The following FGF5 variants were observed in gnomAD, a reference collection of about 807,000 sequenced individuals.
The protein encoded by FGF5 is fibroblast growth factor 5.
FGF5 carries 23 observed loss-of-function variants against 21.8 expected under a neutral mutation model. The ratio of observed to expected loss-of-function variants is 1.05; its 90% CI spans 0.76 to 1.49. The LOEUF (loss-of-function observed/expected upper bound fraction) is 1.49. FGF5 is among the 40% of genes most tolerant of loss of function. FGF5 has a pLI of 0.00. For synonymous variants in FGF5, 158 were observed against 124.0 expected (o/e 1.27, Z -1.82); for missense variants, 352 against 332.9 (o/e 1.06, Z -0.45).
At chr4:80,280,000 G>A (rs139413258) in intron 2 of FGF5, among the ~76,000 whole-genome samples, 15 of 152,268 alleles carry the variant, frequency 9.9e-5, no homozygotes, top group Admixed American at 3.3e-4. Context: ...GACTTCCTGC[G>A]CTGCAGGCAG....
intron 2 of FGF5, among the ~76,000 whole-genome samples, chr4:80,285,263 A>G (rs966616453): frequency 5.9e-5 from 9 of 152,184 alleles, no homozygotes; most frequent in African/African-American, 2.2e-4. Context: ...GTGCTGACCT[A>G]CATTGTCTGG....
intron 2 of FGF5, among the ~76,000 whole-genome samples, chr4:80,279,116 A>G (rs1720489462): frequency 6.6e-6 from 1 of 152,184 alleles, no homozygotes; most frequent in Admixed American, 6.5e-5. Context: ...AGGTGGGTCC[A>G]GACTAGGAGT....
At chr4:80,275,479 A>C (rs1234118475) in intron 2 of FGF5, among the ~76,000 whole-genome samples, 3 of 151,976 alleles carry the variant, frequency 2.0e-5, no homozygotes, top group Non-Finnish European at 4.4e-5. Context: ...GAGGGAAAAA[A>C]CCAATAATTA....
rs542261216 is a variant in FGF5 at position 80,266,761 on chromosome 4, A to C, written c.-64A>C. The C allele has an allele frequency of 5.1e-6, 7 of 1,361,066 alleles. No individual in the cohort carries two copies. In the South Asian group the frequency reaches 8.4e-5, roughly 16 times the overall value. 84.3% of individuals were successfully genotyped at this position (1,361,066 alleles called of 1,614,324 possible). ...GGCAGAGCCAGAGGCACGCAGCCGCACAGGGGCTACAGAGCCCAGAATCAG... is the reference window on the plus strand; with the variant it reads ...GGCAGAGCCAGAGGCACGCAGCCGCCCAGGGGCTACAGAGCCCAGAATCAG... On this transcript the variant is annotated 5_prime_UTR_variant, in exon 1 of 3. Coordinates refer to ENST00000312465, the MANE Select transcript of FGF5 (RefSeq NM_004464.4).
chr4:80,276,638 CAG>C (rs1467506928), intron 2 of FGF5, among the ~76,000 whole-genome samples: 2 of 151,818 alleles, frequency 1.3e-5, no homozygotes, highest in Admixed American at 6.6e-5. Flanking sequence ...CTTTTACCCC[CAG>C]CCCCCTCCCC....
At chr4:80,272,916 C>T (rs1197786308) in intron 1 of FGF5, among the ~76,000 whole-genome samples, 1 of 152,014 alleles carries the variant, frequency 6.6e-6, no homozygotes, top group East Asian at 1.9e-4. Context: ...ATGCTATTCC[C>T]AATATCATTC....
Position 80,286,374 on chromosome 4 carries a change from G to A in FGF5, c.509G>A (p.Ser170Asn). The change falls in exon 3 of 3, where the codon AGC (serine) becomes AAC (asparagine). Residue 170 changes from serine to asparagine, a missense_variant. Coordinates refer to ENST00000312465, the MANE Select transcript of FGF5 (RefSeq NM_004464.4). ...TTCAGGGAGCGTTTTCAAGAAAATA[G>A]CTATAATACCTATGCCTCAGCAATA... Reference protein sequence around the residue: ...CKFRERFQENSYNTYASAIHR... With the variant: ...CKFRERFQENNYNTYASAIHR... The A allele has an allele frequency of 3.1e-6, 5 of 1,609,070 alleles. No individual in the cohort carries two copies. The highest frequency in any genetic ancestry group is 4.2e-6 in the Non-Finnish European group (5 of 1,177,116).
At chr4:80,268,454 C>G in intron 1 of FGF5, 1 of 985,596 alleles carries the variant, frequency 1.0e-6, no homozygotes, top group African/African-American at 1.7e-5. Context: ...ACCAAAGACT[C>G]CACGGGCCAT....
In FGF5 at chr4:80,275,047, T is replaced by C. The variant is rs529285864; in HGVS notation, c.459+35T>C. The C allele has an allele frequency of 2.2e-5, 19 of 871,730 alleles. No individual in the cohort carries two copies. In the South Asian group the frequency reaches 3.4e-4, roughly 16 times the overall value. 54.0% of individuals were successfully genotyped at this position (871,730 alleles called of 1,614,324 possible). On this transcript the variant is annotated intron_variant, in intron 2 of 2. Transcript: ENST00000312465. ...ACCACTTTATATTTGTTAAAGGTGC[T>C]ATAAAGATTTTACATTTGTAAAACA... is the stretch of plus-strand genomic sequence containing the variant.
At position 80,274,921 on chromosome 4, in the gene FGF5, T is replaced by C. The variant is rs1342779633; in HGVS notation, c.368T>C (p.Ile123Thr). The change falls in exon 2 of 3, where the codon ATA (isoleucine) becomes ACA (threonine). Residue 123 changes from isoleucine to threonine, a missense_variant. Physicochemically the swap from Ile to Thr is moderately conservative, Grantham distance 89 (BLOSUM62 -1). Coordinates refer to ENST00000312465, the MANE Select transcript of FGF5 (RefSeq NM_004464.4). ...TCTGTCATCCTAGGTGTTTTGGAAATATTTGCTGTGTCTCAGGGGATTGTA... is the reference window on the plus strand; with the variant it reads ...TCTGTCATCCTAGGTGTTTTGGAAACATTTGCTGTGTCTCAGGGGATTGTA... The part of the protein sequence containing the change: ...HEANMLSVLE[I>T]FAVSQGIVGI... 9 of 1,558,528 alleles carry C rather than the reference T, an allele frequency of 5.8e-6. No homozygotes were observed. The Admixed American group carries it at 1.0e-4, about 18-fold the overall frequency.
At chr4:80,285,575 T>C (rs1017697854) in intron 2 of FGF5, among the ~76,000 whole-genome samples, 2 of 152,186 alleles carry the variant, frequency 1.3e-5, no homozygotes, top group African/African-American at 2.4e-5. Context: ...ATAATTCCAT[T>C]TATCAAGCTG....
At chr4:80,281,559 A>T (rs1720555774) in intron 2 of FGF5, among the ~76,000 whole-genome samples, 1 of 152,178 alleles carries the variant, frequency 6.6e-6, no homozygotes. Flanking sequence ...ACAAATTCCA[A>T]GGTTTATACT....
Position 80,287,092 on chromosome 4 carries a change from TTTG to T in FGF5, c.*423_*425del, listed in dbSNP as rs2109931554. On this transcript the variant is annotated 3_prime_UTR_variant, in exon 3 of 3. Transcript: ENST00000312465. Reference sequence around the variant, plus strand: ...TTTTGTTAACTTTTGTTTTTTTTTGTTTGTTTTCTTAAAAGTACCTCTGCATTG... The same window carrying T: ...TTTTGTTAACTTTTGTTTTTTTTTGTTTTTCTTAAAAGTACCTCTGCATTG... 1 of 157,542 alleles carries T rather than the reference TTTG, an allele frequency of 6.3e-6. No individual in the cohort carries two copies. The highest frequency in any genetic ancestry group is 6.2e-5 in the Admixed American group (1 of 16,160). 9.8% of individuals were successfully genotyped at this position (157,542 alleles called of 1,614,324 possible).
chr4:80,274,208 A>G (rs886140985), intron 1 of FGF5, among the ~76,000 whole-genome samples: 3 of 152,154 alleles, frequency 2.0e-5, no homozygotes, highest in Non-Finnish European at 4.4e-5. Flanking sequence ...TATAAAATAC[A>G]AAATTTATAC....
At position 80,286,543 on chromosome 4, in the gene FGF5, ACTTT is replaced by A. The variant is rs1720730181; in HGVS notation, c.684_687del (p.Phe229ArgfsTer30). Reference sequence around the variant, plus strand: ...GATTCAAGCAGTCGGAGCAGCCAGAACTTTCTTTCACGGTTACTGTTCCTGAAAA... The same window carrying A: ...GATTCAAGCAGTCGGAGCAGCCAGAACTTTCACGGTTACTGTTCCTGAAAA... On this transcript the variant is annotated frameshift_variant, in exon 3 of 3. Transcript: ENST00000312465. LOFTEE classifies it high-confidence loss of function. 1 of 1,613,950 alleles carries A rather than the reference ACTTT, an allele frequency of 6.2e-7. No homozygotes were observed.
chr4:80,280,450 G>A (rs1560500691), intron 2 of FGF5, among the ~76,000 whole-genome samples: 1 of 152,196 alleles, frequency 6.6e-6, no homozygotes, highest in Non-Finnish European at 1.5e-5. Flanking sequence ...ATTTTAACAG[G>A]AAACAACTTC....
rs949576884 is a variant in FGF5 at position 80,287,785 on chromosome 4, A to G, written c.*1113A>G. 3 of 152,256 alleles carry G rather than the reference A, an allele frequency of 2.0e-5. No individual in the cohort carries two copies. The highest frequency in any genetic ancestry group is 7.2e-5 in the African/African-American group (3 of 41,572). The allele number at this position is 152,256 out of a possible 1,614,324, so 9.4% of individuals were successfully genotyped here. ...CATGCCAAGTCCCATTGTCAGAAAT[A>G]TTCTTATTACTCAGTCAAACACTCT... On this transcript the variant is annotated 3_prime_UTR_variant, in exon 3 of 3. Coordinates refer to ENST00000312465, the MANE Select transcript of FGF5 (RefSeq NM_004464.4).
chr4:80,283,004 A>T (rs1720600886), intron 2 of FGF5, among the ~76,000 whole-genome samples: 1 of 152,108 alleles, frequency 6.6e-6, no homozygotes, highest in Non-Finnish European at 1.5e-5. Context: ...ATGTATAGAG[A>T]TATACTGCTT....
intron 2 of FGF5, among the ~76,000 whole-genome samples, chr4:80,283,506 A>G (rs931437787): frequency 6.6e-6 from 1 of 152,194 alleles, no homozygotes; most frequent in South Asian, 2.1e-4. Flanking sequence ...TGTTTTAAAA[A>G]AAGAAATGCT....
Sources: allele counts gnomAD v4.1 joint callset (sites outside exome capture counted in the v4.1 genomes callset), GRCh38; gene constraint gnomAD v4.1.1; transcripts MANE v1.5; gene names NCBI Gene and HGNC (gene_info 2026-07-23, HGNC 2026-07-21).